The following CACNA2D3 variants were observed in gnomAD, a reference collection of about 807,000 sequenced individuals.
CACNA2D3 encodes calcium voltage-gated channel auxiliary subunit alpha2delta 3, also known as voltage-dependent calcium channel subunit alpha-2/delta-3.
Under a neutral mutation model 160.6 loss-of-function variants are expected in CACNA2D3, and 60 were observed. The ratio of observed to expected loss-of-function variants is 0.37; its 90% confidence interval spans 0.30 to 0.46. The LOEUF is 0.46. CACNA2D3 is among the 20% of genes least tolerant of loss of function. The pLI is 1.00. For missense variants in CACNA2D3, 1,205 were observed against 1,365.0 expected, an observed-to-expected ratio of 0.88 and a Z score of 1.85; for synonymous variants, 558 against 492.9, an observed-to-expected ratio of 1.13 and a Z score of -1.75.
chr3:54,924,889 A>G, intron 27 of CACNA2D3: 1 of 1,613,692 alleles, frequency 6.2e-7, no homozygotes. Context: ...CTTTCCAGGG[A>G]AAGGAGTGAA....
At chr3:54,698,935 C>T (rs767630679) in intron 11 of CACNA2D3, among the ~76,000 whole-genome samples, 11 of 152,094 alleles carry the variant, frequency 7.2e-5, no homozygotes, top group Non-Finnish European at 1.6e-4. Context: ...CTAACAACCA[C>T]GTGAATGCAG....
chr3:54,935,733 A>G (rs574432351), intron 27 of CACNA2D3, among the ~76,000 whole-genome samples: 1 of 152,230 alleles, frequency 6.6e-6, no homozygotes, highest in Non-Finnish European at 1.5e-5. Flanking sequence ...ATTACAATGT[A>G]TGTTTCATAT....
chr3:54,937,464 A>G (rs948295060), intron 27 of CACNA2D3, among the ~76,000 whole-genome samples: 1 of 152,224 alleles, frequency 6.6e-6, no homozygotes, highest in Non-Finnish European at 1.5e-5. Flanking sequence ...CAACCTTCCA[A>G]GTATCCAGGT....
At chr3:54,344,218 C>T (rs1455486359) in intron 3 of CACNA2D3, among the ~76,000 whole-genome samples, 1 of 152,178 alleles carries the variant, frequency 6.6e-6, no homozygotes, top group African/African-American at 2.4e-5. Context: ...CGTAGGCTCC[C>T]TCCTCTGTTC....
intron 4 of CACNA2D3, among the ~76,000 whole-genome samples, chr3:54,423,873 G>C (rs1289222587): frequency 6.6e-6 from 1 of 151,156 alleles, no homozygotes; most frequent in Non-Finnish European, 1.5e-5. Flanking sequence ...ATGCTCTTCT[G>C]TTGCCATCTT....
intron 3 of CACNA2D3, among the ~76,000 whole-genome samples, chr3:54,350,991 T>TTTTTTTTTTTTTTTTA (rs1698551366): frequency 1.0e-5 from 1 of 100,060 alleles, no homozygotes; most frequent in Non-Finnish European, 2.1e-5. Flanking sequence ...TGTTTGTTTT[T>TTTTTTTTTTTTTTTTA]TTTTTTTTTT....
At chr3:54,238,486 G>A (rs913516396) in intron 2 of CACNA2D3, among the ~76,000 whole-genome samples, 1 of 152,162 alleles carries the variant, frequency 6.6e-6, no homozygotes, top group Non-Finnish European at 1.5e-5. Flanking sequence ...AGAGATTAAT[G>A]CACTTGCTAA....
chr3:54,804,075 C>T (rs529183089), intron 13 of CACNA2D3, among the ~76,000 whole-genome samples: 144 of 152,164 alleles, frequency 9.5e-4, no homozygotes, highest in African/African-American at 3.3e-3. Flanking sequence ...TGGAAAGGAA[C>T]AACTGGTACC....
intron 13 of CACNA2D3, among the ~76,000 whole-genome samples, chr3:54,792,995 A>G (rs1270646347): frequency 2.0e-5 from 3 of 152,212 alleles, no homozygotes; most frequent in African/African-American, 7.2e-5. Flanking sequence ...AGAACAGCCT[A>G]TGAGCCTAAG....
intron 2 of CACNA2D3, among the ~76,000 whole-genome samples, chr3:54,233,957 A>G (rs753924451): frequency 2.6e-5 from 4 of 152,230 alleles, no homozygotes; most frequent in Non-Finnish European, 5.9e-5. Context: ...CATCCTGGAC[A>G]TAGGAACGGG....
intron 13 of CACNA2D3, among the ~76,000 whole-genome samples, chr3:54,792,260 T>C (rs865813569): frequency 6.6e-6 from 1 of 152,156 alleles, no homozygotes; most frequent in Non-Finnish European, 1.5e-5. Flanking sequence ...GTAATTCTGA[T>C]TGAATTGGGA....
intron 35 of CACNA2D3, among the ~76,000 whole-genome samples, chr3:55,067,944 A>C (rs1386205703): frequency 6.6e-6 from 1 of 152,228 alleles, no homozygotes; most frequent in Non-Finnish European, 1.5e-5. Flanking sequence ...AAGCAAGGGG[A>C]AAGAGGACGG....
chr3:54,578,390 TAGAG>T (rs1702621304), intron 8 of CACNA2D3, among the ~76,000 whole-genome samples: 1 of 152,188 alleles, frequency 6.6e-6, no homozygotes, highest in South Asian at 2.1e-4. Context: ...AATAGAAATC[TAGAG>T]AACATACACA....
chr3:54,731,150 C>T (rs957692617), intron 11 of CACNA2D3, among the ~76,000 whole-genome samples: 6 of 152,046 alleles, frequency 3.9e-5, no homozygotes, highest in Admixed American at 6.5e-5. Context: ...AGTTATAGGT[C>T]GAAATGATTG....
chr3:54,955,473 A>G (rs949720407), intron 27 of CACNA2D3, among the ~76,000 whole-genome samples: 3 of 152,122 alleles, frequency 2.0e-5, no homozygotes, highest in African/African-American at 7.2e-5. Flanking sequence ...AAAAAGAAAA[A>G]AAAGCTCTCT....
intron 13 of CACNA2D3, among the ~76,000 whole-genome samples, chr3:54,773,344 A>G (rs1489967363): frequency 1.3e-5 from 2 of 152,212 alleles, no homozygotes; most frequent in African/African-American, 2.4e-5. Flanking sequence ...TGGAATTTAC[A>G]GTATTTTTCC....
At chr3:54,406,509 A>G (rs1699579532) in intron 4 of CACNA2D3, among the ~76,000 whole-genome samples, 1 of 152,176 alleles carries the variant, frequency 6.6e-6, no homozygotes, top group Non-Finnish European at 1.5e-5. Flanking sequence ...ATTTGCTACA[A>G]CATGGACAAA....
At chr3:55,069,429 T>C (rs1704748295) in intron 35 of CACNA2D3, among the ~76,000 whole-genome samples, 1 of 152,240 alleles carries the variant, frequency 6.6e-6, no homozygotes, top group African/African-American at 2.4e-5. Context: ...TCAGTAAATT[T>C]GCATCATTTT....
At chr3:54,337,475 G>A (rs1231931654) in intron 3 of CACNA2D3, among the ~76,000 whole-genome samples, 2 of 152,156 alleles carry the variant, frequency 1.3e-5, no homozygotes, top group East Asian at 1.9e-4. Flanking sequence ...TAAAATGGAT[G>A]CACTTTTAAC....
Sources: gnomAD v4.1 joint callset for allele counts (sites outside exome capture counted in the v4.1 genomes callset) on GRCh38, gnomAD v4.1.1 for gene constraint, MANE v1.5 for transcripts, NCBI Gene and HGNC (gene_info 2026-07-23, HGNC 2026-07-21) for gene names.